The following VIT variants were observed in gnomAD, a reference collection of about 807,000 sequenced individuals.
The protein encoded by VIT is vitrin.
Under a neutral mutation model 78.0 loss-of-function variants are expected in VIT, and 99 were observed. The observed-to-expected ratio is 1.27, with a 90% CI of 1.08 to 1.50. The LOEUF (loss-of-function observed/expected upper bound fraction) is 1.50, where lower values mean the gene tolerates loss of function less well. Ranked by LOEUF, VIT falls within the 40% of genes most tolerant of loss-of-function variation. The pLI is 0.00. For missense variants in VIT, 1,126 were observed against 875.3 expected (o/e 1.29, Z -3.61); for synonymous variants, 374 against 334.3 (o/e 1.12, Z -1.29).
chr2:36,777,472 C>T (rs563323592), intron 9 of VIT, among the ~76,000 whole-genome samples: 2 of 152,198 alleles, frequency 1.3e-5, no homozygotes, highest in South Asian at 2.1e-4. Flanking sequence ...CAGGGCACCC[C>T]GAGCAGAACA....
intron 3 of VIT, among the ~76,000 whole-genome samples, chr2:36,732,761 A>G (rs542169110): frequency 7.9e-5 from 12 of 152,346 alleles, no homozygotes; most frequent in Non-Finnish European, 1.3e-4. Flanking sequence ...TAATGTCCAC[A>G]TAAGTGCTAG....
chr2:36,699,220 C>G (rs1191144995), intron 1 of VIT, among the ~76,000 whole-genome samples: 1 of 152,000 alleles, frequency 6.6e-6, no homozygotes, highest in Non-Finnish European at 1.5e-5. Flanking sequence ...AGAGGTTACT[C>G]AATGTCTCCA....
chr2:36,754,968 C>A lies in VIT; in HGVS notation c.323C>A (p.Ala108Asp). The A allele has an allele frequency of 6.2e-7, 1 of 1,614,164 alleles. No individual in the cohort carries two copies. Among genetic ancestry groups the A allele is most frequent in the African/African-American group, 1.3e-5 (1 of 75,040 alleles). ...GGGAAAATACTTGTTCGGAAGGTTG[C>A]TGGACAGTCTGGTTACAAAGGGAGT... The part of the protein sequence containing the change: ...SGGKILVRKV[A>D]GQSGYKGSYS... Residue 108 changes from alanine (A) to aspartate (D), a missense_variant, in exon 5 of 16, where the codon GCT becomes GAT. Ala to Asp is a moderately radical substitution (Grantham distance 126). Transcript: ENST00000379242.
intron 9 of VIT, among the ~76,000 whole-genome samples, chr2:36,775,594 G>C (rs115121661): frequency 0.013 from 2,037 of 152,200 alleles, 48 homozygotes; most frequent in African/African-American, 0.047. Context: ...ATAGCTCTGG[G>C]ATTCTCTGTT....
intron 1 of VIT, among the ~76,000 whole-genome samples, chr2:36,705,855 T>G (rs1465460456): frequency 6.6e-6 from 1 of 152,232 alleles, no homozygotes; most frequent in Non-Finnish European, 1.5e-5. Context: ...GGCTGAGCAC[T>G]TCTTTGTTGT....
intron 3 of VIT, among the ~76,000 whole-genome samples, chr2:36,739,669 T>C (rs1290386509): frequency 6.6e-6 from 1 of 152,172 alleles, no homozygotes; most frequent in Non-Finnish European, 1.5e-5. Context: ...TGAGGTGCTC[T>C]AATGTGATTT....
chr2:36,728,287 T>TA (rs901683676), intron 2 of VIT, among the ~76,000 whole-genome samples: 13 of 151,764 alleles, frequency 8.6e-5, no homozygotes, highest in African/African-American at 2.4e-4. Context: ...TTCACTTACT[T>TA]AAAAAAAAGT....
intron 14 of VIT, among the ~76,000 whole-genome samples, chr2:36,805,965 T>C (rs1385140761): frequency 6.6e-6 from 1 of 152,062 alleles, no homozygotes; most frequent in African/African-American, 2.4e-5. Context: ...CCTTTACACA[T>C]GCATGCAAGC....
rs184889335 is a variant in VIT at position 36,772,927 on chromosome 2, T to C, written c.680-864T>C. On this transcript the variant is annotated intron_variant, in intron 7 of 15. Transcript: ENST00000379242. ...CTCTTTCCCTTCCAAAGGCTTTGCA[T>C]TTCTCTTAACAGAATGTTTTATCTC... Among the ~76,000 whole-genome samples, 3 of 152,376 alleles carry C rather than the reference T, an allele frequency of 2.0e-5. No individual in the cohort carries two copies. The East Asian group carries it at 5.8e-4, about 29-fold the overall frequency.
At chr2:36,750,059 A>C (rs548106633) in intron 4 of VIT, among the ~76,000 whole-genome samples, 22 of 152,372 alleles carry the variant, frequency 1.4e-4, no homozygotes, top group Middle Eastern at 3.4e-3. Context: ...CAAAAGCTCT[A>C]TTAAGGATAA....
chr2:36,811,668 T>C (rs2148689396), intron 15 of VIT, among the ~76,000 whole-genome samples: 1 of 151,894 alleles, frequency 6.6e-6, no homozygotes, highest in Non-Finnish European at 1.5e-5. Flanking sequence ...TTTTCTTTCT[T>C]TCTTTTTTTT....
At chr2:36,719,779 T>C (rs570730153) in intron 2 of VIT, among the ~76,000 whole-genome samples, 1 of 152,050 alleles carries the variant, frequency 6.6e-6, no homozygotes, top group Non-Finnish European at 1.5e-5. Flanking sequence ...TATCTACCAA[T>C]AAATTTTAAA....
chr2:36,730,591 G>T (rs374334511), intron 3 of VIT, among the ~76,000 whole-genome samples: 89 of 152,314 alleles, frequency 5.8e-4, no homozygotes, highest in African/African-American at 2.0e-3. Context: ...AACCCCAGCC[G>T]GTGGTGCCTC....
chr2:36,760,575 C>A (rs959721858), intron 6 of VIT, among the ~76,000 whole-genome samples: 2 of 152,082 alleles, frequency 1.3e-5, no homozygotes, highest in Non-Finnish European at 2.9e-5. Flanking sequence ...GGCACAGAGA[C>A]GAAGAATGGG....
rs546510965 is a variant in VIT at position 36,708,755 on chromosome 2, G to A, written c.-18-7598G>A. On this transcript the variant is annotated intron_variant, in intron 1 of 15. Transcript: ENST00000379242. ...AATTTGAGCCCCTCCCAGTCCCCAC[G>A]TTTCAGGCGTATGTGCCCATCCACC... 4.6e-5 allele frequency among the ~76,000 whole-genome samples: 7 copies of A among 152,164 alleles called. No homozygotes were observed. The South Asian group carries it at 6.2e-4, about 14-fold the overall frequency.
intron 2 of VIT, among the ~76,000 whole-genome samples, chr2:36,725,145 T>G (rs1448786513): frequency 1.3e-5 from 2 of 152,136 alleles, no homozygotes; most frequent in East Asian, 3.9e-4. Context: ...CAGTTCTCTT[T>G]CATGTTTCTG....
intron 2 of VIT, among the ~76,000 whole-genome samples, chr2:36,725,810 G>A (rs1440216917): frequency 1.3e-5 from 2 of 152,120 alleles, no homozygotes; most frequent in African/African-American, 2.4e-5. Flanking sequence ...AGTGGCTCAC[G>A]CCTGTAATCC....
intron 12 of VIT, among the ~76,000 whole-genome samples, chr2:36,794,473 C>T (rs1309070161): frequency 6.6e-6 from 1 of 152,214 alleles, no homozygotes; most frequent in Non-Finnish European, 1.5e-5. Context: ...ATCAGGCCAT[C>T]AACCTATGTA....
intron 1 of VIT, among the ~76,000 whole-genome samples, chr2:36,705,571 C>T (rs568330313): frequency 6.6e-5 from 10 of 152,218 alleles, no homozygotes; most frequent in East Asian, 5.8e-4. Flanking sequence ...CCTAATGGCA[C>T]GGGCATACAT....
Sources: gnomAD v4.1 joint callset for allele counts (sites outside exome capture counted in the v4.1 genomes callset) on GRCh38, gnomAD v4.1.1 for gene constraint, MANE v1.5 for transcripts, NCBI Gene and HGNC (gene_info 2026-07-23, HGNC 2026-07-21) for gene names.